CPB1: variants seen among roughly 807,000 people sequenced by gnomAD.
CPB1 encodes carboxypeptidase B1, also known as carboxypeptidase B.
A neutral mutation model predicts 51.4 loss-of-function variants in CPB1; 53 were observed. That is an observed-to-expected ratio of 1.03 (90% confidence interval 0.83 to 1.30). The LOEUF is 1.30. CPB1 is among the 50% of genes most tolerant of loss of function. The pLI is 0.00. For missense variants in CPB1, 494 were observed against 516.2 expected, an observed-to-expected ratio of 0.96 and a Z score of 0.42; for synonymous variants, 189 against 186.9, an observed-to-expected ratio of 1.01 and a Z score of -0.09.
intron 10 of CPB1, 86 bp from the exon 11 acceptor site, chr3:148,859,729 A>G (rs1713693830): frequency 1.5e-6 from 2 of 1,360,994 alleles, no homozygotes; most frequent in African/African-American, 2.9e-5. Flanking sequence ...ACAGTGAAAC[A>G]TTTGTAATGA....
intron 3 of CPB1, among the ~76,000 whole-genome samples, chr3:148,836,159 T>C (rs890273273): frequency 6.9e-6 from 1 of 145,044 alleles, no homozygotes; most frequent in Non-Finnish European, 1.5e-5. Flanking sequence ...AGATTATACG[T>C]TTTTTTTTTT....
Position 148,835,050 on chromosome 3 carries a change from G to C in CPB1, c.272+428G>C, listed in dbSNP as rs111460292. Among the ~76,000 whole-genome samples, 98 of 152,246 alleles carry C rather than the reference G, an allele frequency of 6.4e-4. 1 individual carries two copies. Among genetic ancestry groups the C allele is most frequent in the African/African-American group, 2.3e-3 (95 of 41,546 alleles). ...TTTTTTTAGCAGAAGGATAAGTCTA[G>C]AGTCAGTCTGAATGGCCCTTCTGTC... On this transcript the variant is annotated intron_variant, in intron 3 of 10. Transcript: ENST00000282957.
intron 6 of CPB1, 123 bp downstream of exon 6, chr3:148,842,047 G>A: frequency 1.3e-6 from 1 of 742,550 alleles, no homozygotes; most frequent in Non-Finnish European, 2.2e-6. Context: ...CCCAATTTTG[G>A]AAATTAGTTT....
At chr3:148,832,899 G>T (rs1037628984) in intron 2 of CPB1, among the ~76,000 whole-genome samples, 4 of 152,140 alleles carry the variant, frequency 2.6e-5, no homozygotes. Context: ...CAGATACATG[G>T]AGGACTTTAT....
chr3:148,847,733 A>G (rs1418705096), intron 9 of CPB1, among the ~76,000 whole-genome samples: 11 of 152,168 alleles, frequency 7.2e-5, no homozygotes, highest in Admixed American at 7.2e-4. Context: ...AAAGGAGAAA[A>G]AGCACAAGCC....
chr3:148,827,888 T>C lies in CPB1; in HGVS notation c.65T>C (p.Phe22Ser), dbSNP rs1422910109. The change falls in exon 1 of 11, where the codon TTT becomes TCT. Residue 22 changes from phenylalanine (F) to serine (S), a missense_variant. Phe to Ser is a radical substitution (Grantham distance 155). Transcript: ENST00000282957. ...LASAHHGGEH[F>S]EGEKVFRVNV... The stretch of plus-strand genomic sequence containing the variant: ...TCTGCTCATCATGGTGGTGAGCACT[T>C]TGAAGGGTAAGTAAGCCATCTTTAA... The C allele has an allele frequency of 2.5e-6, 4 of 1,614,154 alleles. No individual in the cohort carries two copies. Among genetic ancestry groups the C allele is most frequent in the East Asian group, 4.5e-5 (2 of 44,880 alleles).
intron 3 of CPB1, among the ~76,000 whole-genome samples, chr3:148,835,024 C>CT (rs1241595637): frequency 3.9e-5 from 6 of 152,048 alleles, no homozygotes; most frequent in African/African-American, 9.7e-5. Flanking sequence ...GCTATTTGTG[C>CT]TTTTTTTAGC....
chr3:148,840,923 C>G lies in CPB1; in HGVS notation c.422C>G (p.Ser141Cys). Residue 141 changes from serine (S) to cysteine (C), a missense_variant, in exon 5 of 11, where the codon TCT (serine) becomes TGT (cysteine). By Grantham distance (112) the Ser-to-Cys change is moderately radical. Coordinates refer to ENST00000282957, the MANE Select transcript of CPB1 (RefSeq NM_001871.3). ...QVATENPALI[S>C]RSVIGTTFEG... The stretch of plus-strand genomic sequence containing the variant: ...GCCACTGAGAATCCAGCCCTCATCT[C>G]TCGCAGTGTTATCGGAACCACATTT... 6.2e-7 allele frequency: 1 copy of G among 1,614,138 alleles called. No individual in the cohort carries two copies. The highest frequency in any genetic ancestry group is 8.5e-7 in the Non-Finnish European group (1 of 1,180,004).
intron 6 of CPB1, 99 bp from the exon 7 acceptor site, chr3:148,844,379 G>A (rs1046389936): frequency 4.7e-5 from 38 of 809,192 alleles, no homozygotes; most frequent in Middle Eastern, 3.3e-4. Context: ...AGGAAATGCT[G>A]CTCTTATTAC....
At chr3:148,829,103 G>A (rs1173532439) in intron 2 of CPB1, among the ~76,000 whole-genome samples, 1 of 152,160 alleles carries the variant, frequency 6.6e-6, no homozygotes, top group Non-Finnish European at 1.5e-5. Flanking sequence ...TGAGCTGAAA[G>A]CTTCCTTCTC....
At chr3:148,839,892 G>A (rs184716010) in intron 3 of CPB1, among the ~76,000 whole-genome samples, 1 of 152,126 alleles carries the variant, frequency 6.6e-6, no homozygotes, top group East Asian at 1.9e-4. Flanking sequence ...TCTCTTCCAA[G>A]CATACTTTTC....
In CPB1 at chr3:148,846,788, T is replaced by TGC. The variant is rs1216952462; in HGVS notation, c.981+1163_981+1164insCG. Among the ~76,000 whole-genome samples the TGC allele has an allele frequency of 2.3e-3, 110 of 48,804 alleles. 4 individuals are homozygous for TGC. The highest frequency in any genetic ancestry group is 7.9e-3 in the African/African-American group (103 of 13,006). 32.0% of individuals were successfully genotyped at this position (48,804 alleles called of 152,430 possible). On this transcript the variant is annotated intron_variant, in intron 9 of 10. Coordinates refer to ENST00000282957, the MANE Select transcript of CPB1 (RefSeq NM_001871.3). ...ATATATATACACATATATATGTGTG[T>TGC]GTGCGTGTGTATATATATATATATA...
At chr3:148,840,593 A>G (rs1713045325) in intron 3 of CPB1, 93 bp from the exon 4 acceptor site, 3 of 1,020,166 alleles carry the variant, frequency 2.9e-6, no homozygotes, top group African/African-American at 3.1e-5. Flanking sequence ...GCAATGTGCC[A>G]TCTACTAAAG....
At chr3:148,849,819 C>T (rs1260211360) in intron 9 of CPB1, among the ~76,000 whole-genome samples, 1 of 152,258 alleles carries the variant, frequency 6.6e-6, no homozygotes, top group Admixed American at 6.5e-5. Flanking sequence ...GCATGGAATG[C>T]TTGGCGAAGC....
chr3:148,831,815 T>G (rs1260002720), intron 2 of CPB1, among the ~76,000 whole-genome samples: 3 of 152,236 alleles, frequency 2.0e-5, no homozygotes, highest in Admixed American at 6.5e-5. Context: ...ATTTCAGACA[T>G]ACATCTCATT....
At chr3:148,840,633 C>T in intron 3 of CPB1, 53 bp from the exon 4 acceptor site, 1 of 1,505,238 alleles carries the variant, frequency 6.6e-7, no homozygotes, top group Non-Finnish European at 9.3e-7. Context: ...TGTGTGTTCA[C>T]TGGAGAAAAA....
At chr3:148,834,820 C>T (rs781346291) in intron 3 of CPB1, among the ~76,000 whole-genome samples, 198 bp downstream of exon 3, 3 of 152,112 alleles carry the variant, frequency 2.0e-5, no homozygotes, top group Non-Finnish European at 2.9e-5. Flanking sequence ...TTAGTTATTG[C>T]TCTAATTAAA....
At chr3:148,838,800 A>G (rs1392677298) in intron 3 of CPB1, among the ~76,000 whole-genome samples, 1 of 152,212 alleles carries the variant, frequency 6.6e-6, no homozygotes, top group Non-Finnish European at 1.5e-5. Context: ...CAGGGATTAG[A>G]TGACTTTTCT....
intron 2 of CPB1, among the ~76,000 whole-genome samples, 190 bp downstream of exon 2, chr3:148,828,267 G>T (rs1416899404): frequency 6.6e-6 from 1 of 152,184 alleles, no homozygotes; most frequent in Non-Finnish European, 1.5e-5. Context: ...AAGCCCTGTA[G>T]TATTATAAAT....
Sources: allele counts gnomAD v4.1 joint callset (sites outside exome capture counted in the v4.1 genomes callset), GRCh38; gene constraint gnomAD v4.1.1; transcripts MANE v1.5; gene names NCBI Gene and HGNC (gene_info 2026-07-23, HGNC 2026-07-21).